Variants in C3orf70 observed in about 807,000 individuals in gnomAD.
C3orf70 encodes the protein chromosome 3 open reading frame 70.
C3orf70 carries 15 observed loss-of-function variants against 20.7 expected under a neutral mutation model. The ratio of observed to expected loss-of-function variants is 0.72; its 90% CI spans 0.48 to 1.11. C3orf70 has a LOEUF of 1.11. Among genes scored for constraint, C3orf70 ranks in the 50% most tolerant of loss-of-function variants. The probability of loss-of-function intolerance (pLI) is 0.00; values close to 1 mark genes in which losing one functional copy is unlikely to be tolerated. For synonymous variants in C3orf70, 161 were observed against 125.7 expected (o/e 1.28, Z -1.88); for missense variants, 332 against 317.6 (o/e 1.05, Z -0.34).
rs1353178405 is a variant in C3orf70, at chr3:185,083,097, T to C, written c.663A>G (p.Pro221=). The change falls in exon 2 of 2, where the codon CCA becomes CCG. Residue 221 remains proline (P), a synonymous_variant. Coordinates refer to ENST00000335012, the MANE Select transcript of C3orf70 (RefSeq NM_001025266.3). ...ACTCATCCGGTTCCCAGCTGCTCTC[T>C]GGACTGTAATCTTCCTCTGAACTCA... ...AELSSEEDYS[P]ESSWEPDECT... 1.2e-6 allele frequency: 2 copies of C among 1,614,184 alleles called. No homozygotes were observed.
intron 1 of C3orf70, among the ~76,000 whole-genome samples, chr3:185,116,634 C>T (rs1716179957): frequency 6.6e-6 from 1 of 152,188 alleles, no homozygotes; most frequent in Admixed American, 6.5e-5. Context: ...AAATTATCCA[C>T]TGTTGAGAAC....
At position 185,083,431 on chromosome 3, in the gene C3orf70, G is replaced by C. The variant is rs756610785; in HGVS notation, c.329C>G (p.Ser110Cys). 3.1e-6 allele frequency: 5 copies of C among 1,614,118 alleles called. No homozygotes were observed. The South Asian group carries it at 5.5e-5, about 18-fold the overall frequency. The change falls in exon 2 of 2, where the codon TCT becomes TGT. Residue 110 changes from serine to cysteine, a missense_variant. Coordinates refer to ENST00000335012, the MANE Select transcript of C3orf70 (RefSeq NM_001025266.3). ...SLTEHFLKFA[S>C]VFQPPLPPDS... is the part of the protein sequence containing the mutation. ...AGGGGGAAGGGGAGGCTGGAAGACA[G>C]ATGCAAATTTCAAAAAGTGTTCGGT...
chr3:185,117,448 C>T (rs2063297), intron 1 of C3orf70, among the ~76,000 whole-genome samples: 1 of 81,318 alleles, frequency 1.2e-5, no homozygotes. Flanking sequence ...CACACACACA[C>T]ACAGAAAGAG....
rs1406912439 is a variant in C3orf70 at position 185,152,818 on chromosome 3, A to G, written c.6T>C (p.Ser2=). 1 of 1,548,670 alleles carries G rather than the reference A, an allele frequency of 6.5e-7. No homozygotes were observed. Among genetic ancestry groups the G allele is most frequent in the Non-Finnish European group, 8.7e-7 (1 of 1,144,520 alleles). The part of the protein sequence containing the change: M[S]AAASPASERG... ...GCTCCGACGCCGGCGAGGCCGCCGC[A>G]CTCATTTCCTCTCCCTCCGCGCGGA... The change falls in exon 1 of 2, where the codon AGT becomes AGC. Residue 2 remains serine, a synonymous_variant. Transcript: ENST00000335012.
chr3:185,149,420 T>C (rs1460377793), intron 1 of C3orf70, among the ~76,000 whole-genome samples: 2 of 140,368 alleles, frequency 1.4e-5, no homozygotes, highest in African/African-American at 5.2e-5. Flanking sequence ...AAACAGTAAA[T>C]ACAGTATGAT....
intron 1 of C3orf70, among the ~76,000 whole-genome samples, chr3:185,092,654 G>GTGAT (rs768837661): frequency 6.6e-6 from 1 of 152,080 alleles, no homozygotes; most frequent in Non-Finnish European, 1.5e-5. Flanking sequence ...ACCAATAAAA[G>GTGAT]TGATAGGCAA....
In C3orf70 at chr3:185,083,190, A is replaced by C; in HGVS notation, c.570T>G (p.Ser190=). Residue 190 remains serine, a synonymous_variant, in exon 2 of 2, where the codon TCT becomes TCG. Transcript: ENST00000335012. ...AGTGAGCCCCAATCGCATTGATCCC[A>C]GAGTCCTCAGAACTTGAGGGAGAAG... is the stretch of plus-strand genomic sequence containing the variant. ...HCSSPSSSED[S]GINAIGAHYV... is the part of the protein sequence containing the mutation. 1 of 1,614,174 alleles carries C rather than the reference A, an allele frequency of 6.2e-7. No homozygotes were observed. The highest frequency in any genetic ancestry group is 8.5e-7 in the Non-Finnish European group (1 of 1,180,028).
intron 1 of C3orf70, among the ~76,000 whole-genome samples, chr3:185,093,770 T>C (rs1577319634): frequency 6.6e-6 from 1 of 150,434 alleles, no homozygotes; most frequent in African/African-American, 2.4e-5. Context: ...TGTGCAACAA[T>C]AATGGGGGGC....
intron 1 of C3orf70, among the ~76,000 whole-genome samples, chr3:185,123,431 A>G (rs769336797): frequency 2.6e-5 from 4 of 151,980 alleles, no homozygotes; most frequent in Non-Finnish European, 4.4e-5. Flanking sequence ...GGGTGACTAC[A>G]GTTACAAAGC....
At chr3:185,087,734 T>C (rs1561327222) in intron 1 of C3orf70, among the ~76,000 whole-genome samples, 1 of 151,910 alleles carries the variant, frequency 6.6e-6, no homozygotes, top group Non-Finnish European at 1.5e-5. Flanking sequence ...TGGAGATGGA[T>C]GGTAGTGATG....
intron 1 of C3orf70, among the ~76,000 whole-genome samples, chr3:185,105,164 T>C (rs35776037): frequency 0.059 from 9,043 of 152,286 alleles, 375 homozygotes; most frequent in South Asian, 0.1. Context: ...ATATGTTCAA[T>C]AGGTTAAGTA....
intron 1 of C3orf70, among the ~76,000 whole-genome samples, chr3:185,139,187 A>AG (rs1716695217): frequency 6.9e-6 from 1 of 145,740 alleles, no homozygotes; most frequent in Admixed American, 7.0e-5. Context: ...AGAAGGGGAG[A>AG]GGGGGGAGGA....
intron 1 of C3orf70, among the ~76,000 whole-genome samples, chr3:185,085,892 G>C (rs1715449298): frequency 6.6e-6 from 1 of 152,190 alleles, no homozygotes; most frequent in South Asian, 2.1e-4. Flanking sequence ...TGTCCACAGA[G>C]TGGTAAATAA....
In C3orf70 at chr3:185,077,555, TG is replaced by T. The variant is rs200545920; in HGVS notation, c.*5451del. Among the ~76,000 whole-genome samples the T allele has an allele frequency of 0.018, 2,696 of 152,212 alleles. 78 individuals carry two copies. The highest frequency in any genetic ancestry group is 0.062 in the African/African-American group (2,579 of 41,506). On this transcript the variant is annotated 3_prime_UTR_variant, in exon 2 of 2. Transcript: ENST00000335012. ...TTTATTTAGCAGTTCCTAGGAAGGT[TG>T]TTCAATAGACTCCAACCCTTGAAGC...
chr3:185,085,822 A>G (rs1267196761), intron 1 of C3orf70, among the ~76,000 whole-genome samples: 1 of 150,432 alleles, frequency 6.6e-6, no homozygotes, highest in Non-Finnish European at 1.5e-5. Context: ...CCCCAGGATT[A>G]GAGCAATGTA....
chr3:185,134,586 A>G (rs1716584458), intron 1 of C3orf70, among the ~76,000 whole-genome samples: 1 of 152,146 alleles, frequency 6.6e-6, no homozygotes, highest in African/African-American at 2.4e-5. Flanking sequence ...AGCCCTAAAA[A>G]ATGCCTGCTC....
Position 185,152,635 on chromosome 3 carries a change from C to T in C3orf70, c.189G>A (p.Trp63Ter). Residue 63 changes from tryptophan to a stop codon, truncating the protein, a stop_gained, in exon 1 of 2, where the codon TGG becomes TGA. Transcript: ENST00000335012. LOFTEE classifies it high-confidence loss of function. ...FKLHWCCHLG[W>*]CHCKYMYQPM... ...AGACGCGGCTCGACTTACAGTGACACCATCCTAGGTGACAGCACCAGTGCA... is the reference window on the plus strand; with the variant it reads ...AGACGCGGCTCGACTTACAGTGACATCATCCTAGGTGACAGCACCAGTGCA... 1 of 1,571,854 alleles carries T rather than the reference C, an allele frequency of 6.4e-7. No individual in the cohort carries two copies. Among genetic ancestry groups the T allele is most frequent in the South Asian group, 1.2e-5 (1 of 86,544 alleles).
At chr3:185,107,618 G>A (rs1274508795) in intron 1 of C3orf70, among the ~76,000 whole-genome samples, 2 of 152,176 alleles carry the variant, frequency 1.3e-5, no homozygotes, top group African/African-American at 4.8e-5. Flanking sequence ...AGAGAAACTG[G>A]GGGCTTTAGA....
At chr3:185,145,645 G>A (rs935619498) in intron 1 of C3orf70, among the ~76,000 whole-genome samples, 2 of 152,120 alleles carry the variant, frequency 1.3e-5, no homozygotes. Flanking sequence ...CCAAGAAACC[G>A]ACAGCCCTGG....
Sources: gnomAD v4.1 joint callset for allele counts (sites outside exome capture counted in the v4.1 genomes callset) on GRCh38, gnomAD v4.1.1 for gene constraint, MANE v1.5 for transcripts, NCBI Gene and HGNC (gene_info 2026-07-23, HGNC 2026-07-21) for gene names.